Variants in QRFPR observed in about 807,000 individuals in gnomAD.
The protein encoded by QRFPR is pyroglutamylated RF-amide peptide receptor.
A neutral mutation model predicts 31.3 loss-of-function variants in QRFPR; 37 were observed. That is an observed-to-expected ratio of 1.18 (90% CI 0.91 to 1.56). QRFPR has a LOEUF of 1.56. Among genes scored for constraint, QRFPR ranks in the 40% most tolerant of loss-of-function variants. The pLI is 0.00. For synonymous variants in QRFPR, 197 were observed against 192.0 expected (o/e 1.03, Z -0.22); for missense variants, 542 against 532.5 (o/e 1.02, Z -0.18).
chr4:121,372,362 C>T (rs1726263794), intron 1 of QRFPR, among the ~76,000 whole-genome samples: 1 of 152,164 alleles, frequency 6.6e-6, no homozygotes, highest in African/African-American at 2.4e-5. Flanking sequence ...GAAGTATTCT[C>T]TCTCATTTCC....
At chr4:121,340,686 C>G (rs1020982924) in intron 1 of QRFPR, 76 bp from the exon 2 acceptor site, 19 of 1,399,992 alleles carry the variant, frequency 1.4e-5, no homozygotes, top group Non-Finnish European at 1.8e-5. Context: ...TTGTAATTAT[C>G]ACTATCAGTC....
At chr4:121,338,473 T>C (rs568097809) in intron 2 of QRFPR, among the ~76,000 whole-genome samples, 1 of 152,344 alleles carries the variant, frequency 6.6e-6, no homozygotes, top group South Asian at 2.1e-4. Context: ...CAACACAAAT[T>C]TGTAAACTTT....
At chr4:121,340,393 C>T in intron 2 of QRFPR, 59 bp downstream of exon 2, 2 of 1,569,020 alleles carry the variant, frequency 1.3e-6, no homozygotes, top group Non-Finnish European at 1.8e-6. Flanking sequence ...AAATATGGTT[C>T]TCTATTCTGT....
intron 1 of QRFPR, 81 bp from the exon 2 acceptor site, chr4:121,340,691 T>G (rs965330492): frequency 1.6e-5 from 22 of 1,373,378 alleles, no homozygotes; most frequent in Non-Finnish European, 1.6e-5. Context: ...ATTATCACTA[T>G]CAGTCCATTC....
chr4:121,337,341 G>A (rs1472181679), intron 2 of QRFPR, among the ~76,000 whole-genome samples: 1 of 152,160 alleles, frequency 6.6e-6, no homozygotes, highest in East Asian at 1.9e-4. Flanking sequence ...CTTCTCTAGG[G>A]AAACTTTGAA....
At chr4:121,376,434 G>T (rs562245472) in intron 1 of QRFPR, among the ~76,000 whole-genome samples, 1 of 152,204 alleles carries the variant, frequency 6.6e-6, no homozygotes, top group East Asian at 1.9e-4. Flanking sequence ...CATGTTTGTG[G>T]CTACACTTTG....
At chr4:121,375,763 A>G (rs1726340201) in intron 1 of QRFPR, among the ~76,000 whole-genome samples, 1 of 152,230 alleles carries the variant, frequency 6.6e-6, no homozygotes, top group Non-Finnish European at 1.5e-5. Flanking sequence ...AAAATAAGAG[A>G]AAGATTGAGA....
chr4:121,371,421 C>T (rs1726243399), intron 1 of QRFPR, among the ~76,000 whole-genome samples: 1 of 152,234 alleles, frequency 6.6e-6, no homozygotes, highest in Non-Finnish European at 1.5e-5. Flanking sequence ...GAACCCCGTT[C>T]ACTGACCTTT....
chr4:121,330,057 A>G (rs1725292129), intron 5 of QRFPR, among the ~76,000 whole-genome samples: 1 of 144,700 alleles, frequency 6.9e-6, no homozygotes, highest in African/African-American at 2.5e-5. Flanking sequence ...ACTGAGAACC[A>G]TGGTAAGTCC....
Position 121,329,150 on chromosome 4 carries a change from A to G in QRFPR, c.*164T>C. ...TGATTGTGATCAATTGGTTGTAAACATCACTGCACTTGGACTAGCCTCGTG... is the reference window on the plus strand; with the variant it reads ...TGATTGTGATCAATTGGTTGTAAACGTCACTGCACTTGGACTAGCCTCGTG... On this transcript the variant is annotated 3_prime_UTR_variant, in exon 6 of 6. Transcript: ENST00000394427. 1 of 561,834 alleles carries G rather than the reference A, an allele frequency of 1.8e-6. No homozygotes were observed. Among genetic ancestry groups the G allele is most frequent in the Non-Finnish European group, 3.0e-6 (1 of 327,952 alleles). The allele number at this position is 561,834 out of a possible 1,614,324, so 34.8% of individuals were successfully genotyped here.
rs768892180 is a variant in QRFPR at position 121,330,507 on chromosome 4, CA to C, written c.813del (p.Val272SerfsTer3). 13 of 1,613,868 alleles carry C rather than the reference CA, an allele frequency of 8.1e-6. No homozygotes were observed. The highest frequency in any genetic ancestry group is 1.1e-5 in the Non-Finnish European group (13 of 1,179,754). On this transcript the variant is annotated frameshift_variant, in exon 5 of 6. Coordinates refer to ENST00000394427, the MANE Select transcript of QRFPR (RefSeq NM_198179.3). LOFTEE classifies it high-confidence loss of function. ...MSKIARKKKR[A>X]VIMMVTVVAL... ...GCCACCACTGTCACCATCATAATGACAGCTCGTTTCTTCTTCCTAAACCCAC... is the reference window on the plus strand; with the variant it reads ...GCCACCACTGTCACCATCATAATGACGCTCGTTTCTTCTTCCTAAACCCAC...
intron 1 of QRFPR, among the ~76,000 whole-genome samples, chr4:121,378,374 C>T (rs980357878): frequency 2.7e-5 from 4 of 150,160 alleles, no homozygotes; most frequent in Admixed American, 2.0e-4. Flanking sequence ...GATTCCCCAA[C>T]ATGAACTGGA....
chr4:121,343,078 G>A (rs1243800404), intron 1 of QRFPR, among the ~76,000 whole-genome samples: 1 of 152,190 alleles, frequency 6.6e-6, no homozygotes, highest in Non-Finnish European at 1.5e-5. Context: ...CATGCACCAG[G>A]CAGAAGGGAA....
In QRFPR at chr4:121,330,819, CAGA is replaced by C. The variant is rs1422345722; in HGVS notation, c.798-299_798-297del. 2.0e-5 allele frequency among the ~76,000 whole-genome samples: 3 copies of C among 152,244 alleles called. No individual in the cohort carries two copies. In the South Asian group the frequency reaches 6.2e-4, roughly 32 times the overall value. On this transcript the variant is annotated intron_variant, in intron 4 of 5. Coordinates refer to ENST00000394427, the MANE Select transcript of QRFPR (RefSeq NM_198179.3). ...TGATAGATGCAGAAATTGAGACACACAGAAGGTTAATTAATTTGCGAAGTTAGA... is the reference window on the plus strand; with the variant it reads ...TGATAGATGCAGAAATTGAGACACACAGGTTAATTAATTTGCGAAGTTAGA...
rs575791983 is a variant in QRFPR, at chr4:121,377,438, G to T, written c.340+2870C>A. ...ATTTTTTTTTTTTTCCTCCCCAGTT[G>T]CACTACTTTTCTGTCTCATTTCCTG... On this transcript the variant is annotated intron_variant, in intron 1 of 5. Coordinates refer to ENST00000394427, the MANE Select transcript of QRFPR (RefSeq NM_198179.3). 2.0e-5 allele frequency among the ~76,000 whole-genome samples: 3 copies of T among 148,388 alleles called. No homozygotes were observed. In the South Asian group the frequency reaches 6.4e-4, roughly 32 times the overall value.
intron 1 of QRFPR, among the ~76,000 whole-genome samples, chr4:121,354,375 C>T (rs1390319235): frequency 2.6e-5 from 4 of 151,808 alleles, no homozygotes; most frequent in Non-Finnish European, 5.9e-5. Context: ...TGTGTGTCCT[C>T]TTCAGTTTCT....
At chr4:121,330,047 A>G (rs1725291908) in intron 5 of QRFPR, among the ~76,000 whole-genome samples, 1 of 146,594 alleles carries the variant, frequency 6.8e-6, no homozygotes, top group Admixed American at 7.3e-5. Context: ...ACAAAATCAT[A>G]CTGAGAACCA....
chr4:121,344,748 T>C (rs1012426998), intron 1 of QRFPR, among the ~76,000 whole-genome samples: 1 of 152,198 alleles, frequency 6.6e-6, no homozygotes, highest in East Asian at 1.9e-4. Flanking sequence ...TCATTAAGCC[T>C]ATCATCAACT....
At position 121,328,763 on chromosome 4, in the gene QRFPR, A is replaced by T. The variant is rs535159755; in HGVS notation, c.*551T>A. On this transcript the variant is annotated 3_prime_UTR_variant, in exon 6 of 6. Coordinates refer to ENST00000394427, the MANE Select transcript of QRFPR (RefSeq NM_198179.3). ...TATGGTTTACGAATTTTTCAAAAAA[A>T]TTTTTTTTGAGACGGGGAGTCTCGC... is the stretch of plus-strand genomic sequence containing the variant. Among the ~76,000 whole-genome samples the T allele has an allele frequency of 4.6e-3, 692 of 152,074 alleles. 8 individuals are homozygous for T. Among genetic ancestry groups the T allele is most frequent in the African/African-American group, 0.016 (669 of 41,516 alleles).
Sources: allele counts gnomAD v4.1 joint callset (sites outside exome capture counted in the v4.1 genomes callset), GRCh38; gene constraint gnomAD v4.1.1; transcripts MANE v1.5; gene names NCBI Gene and HGNC (gene_info 2026-07-23, HGNC 2026-07-21).